GNG7: variants seen among roughly 807,000 people sequenced by gnomAD.
The protein encoded by GNG7 is guanine nucleotide-binding protein G(I)/G(S)/G(O) subunit gamma-7.
In GNG7, 1 loss-of-function variant was observed where a neutral mutation model predicts 4.0. The observed-to-expected ratio is 0.25, with a 90% CI of 0.09 to 1.18. The LOEUF (loss-of-function observed/expected upper bound fraction) is 1.18, where lower values mean the gene tolerates loss of function less well. Among genes scored for constraint, GNG7 ranks in the 50% most tolerant of loss-of-function variants. The pLI is 0.50. For synonymous variants in GNG7, 34 were observed against 36.9 expected, an observed-to-expected ratio of 0.92 and a Z score of 0.29; for missense variants, 86 against 91.9, an observed-to-expected ratio of 0.94 and a Z score of 0.26.
In GNG7 at chr19:2,557,321, ATG is replaced by A. The variant is rs1979593116; in HGVS notation, c.-77-2135_-77-2134del. Reference sequence around the variant, plus strand: ...GGTGCACATACACGCACAGACACACATGTGCACACAGACACACACATGTGCAC... The same window carrying A: ...GGTGCACATACACGCACAGACACACATGCACACAGACACACACATGTGCAC... On this transcript the variant is annotated intron_variant, in intron 2 of 4. Coordinates refer to ENST00000382159, the MANE Select transcript of GNG7 (RefSeq NM_052847.3). The surrounding 1 kb of genome is among the most constrained non-coding windows in gnomAD (Gnocchi z 5.1). Among the ~76,000 whole-genome samples the A allele has an allele frequency of 7.6e-6, 1 of 130,732 alleles. No individual in the cohort carries two copies. The highest frequency in any genetic ancestry group is 8.9e-5 in the Admixed American group (1 of 11,298). 85.8% of individuals were successfully genotyped at this position (130,732 alleles called of 152,430 possible).
chr19:2,694,190 T>C (rs1252442612), intron 1 of GNG7, among the ~76,000 whole-genome samples: 1 of 151,864 alleles, frequency 6.6e-6, no homozygotes, highest in East Asian at 1.9e-4. Context: ...TGACACTATT[T>C]TTGGAGGAAT....
intron 3 of GNG7, chr19:2,538,727 A>G (rs759840960): frequency 2.2e-6 from 1 of 460,486 alleles, no homozygotes; most frequent in Non-Finnish European, 4.4e-6. Flanking sequence ...ACTGCATTGG[A>G]AGTGCTGATG....
chr19:2,669,469 G>C (rs545830822), intron 1 of GNG7, among the ~76,000 whole-genome samples: 4 of 152,300 alleles, frequency 2.6e-5, no homozygotes, highest in African/African-American at 9.6e-5. Flanking sequence ...CAGCCTAGGT[G>C]ATAGAGTGAG....
intron 2 of GNG7, chr19:2,642,357 T>G (rs79326813): frequency 0.017 from 3,847 of 226,428 alleles, 141 homozygotes; most frequent in African/African-American, 0.082. Flanking sequence ...CCTGTCGAAA[T>G]GAATGGGGTT....
intron 2 of GNG7, among the ~76,000 whole-genome samples, chr19:2,608,349 G>C (rs1981456760): frequency 6.6e-6 from 1 of 151,976 alleles, no homozygotes; most frequent in Non-Finnish European, 1.5e-5. Context: ...GCCCCTGCAA[G>C]GCAAGGCCTG....
intron 3 of GNG7, among the ~76,000 whole-genome samples, chr19:2,553,814 A>G (rs978119219): frequency 7.2e-5 from 8 of 110,576 alleles, no homozygotes; most frequent in Non-Finnish European, 1.4e-4. Flanking sequence ...GTAATATATC[A>G]CATACATGTA....
chr19:2,567,350 T>TGTGTGTGTGTGTGTGTGTGTGTGA lies in GNG7; in HGVS notation c.-77-12163_-77-12162insTCACACACACACACACACACACAC, dbSNP rs1259433698. ...GTCGATTTGTGTGTGTGTGTGTGTG[T>TGTGTGTGTGTGTGTGTGTGTGTGA]GACATAGGGTCTCACTCTGTCACCC... is the stretch of plus-strand genomic sequence containing the variant. On this transcript the variant is annotated intron_variant, in intron 2 of 4. Transcript: ENST00000382159. 1.3e-3 allele frequency among the ~76,000 whole-genome samples: 190 copies of TGTGTGTGTGTGTGTGTGTGTGTGA among 150,956 alleles called. 2 individuals carry two copies. Among genetic ancestry groups the TGTGTGTGTGTGTGTGTGTGTGTGA allele is most frequent in the African/African-American group, 4.3e-3 (176 of 40,634 alleles).
intron 1 of GNG7, among the ~76,000 whole-genome samples, chr19:2,681,581 C>T (rs529562437): frequency 1.3e-5 from 2 of 152,216 alleles, no homozygotes; most frequent in South Asian, 2.1e-4. Context: ...ATCCTTCTTG[C>T]GCAGTGTTTG....
intron 3 of GNG7, among the ~76,000 whole-genome samples, chr19:2,554,786 C>A (rs1192278556): frequency 6.6e-6 from 1 of 151,770 alleles, no homozygotes; most frequent in Non-Finnish European, 1.5e-5. Context: ...AACACCTGAC[C>A]TCAGGTGACC....
chr19:2,626,034 C>T lies in GNG7; in HGVS notation c.-78+20190G>A, dbSNP rs1181501227. On this transcript the variant is annotated intron_variant, in intron 2 of 4. Transcript: ENST00000382159. This position sits in a 1 kb window ranked among gnomAD's most constrained non-coding sequence, Gnocchi z 5.0. ...AACTCCTGACCTCAGGTGATCCACC[C>T]GCCTCGGCCTCCCAAAGTGCTGGGA... Among the ~76,000 whole-genome samples, 4 of 152,114 alleles carry T rather than the reference C, an allele frequency of 2.6e-5. No individual in the cohort carries two copies. The highest frequency in any genetic ancestry group is 2.1e-4 in the South Asian group (1 of 4,830).
intron 2 of GNG7, among the ~76,000 whole-genome samples, chr19:2,644,392 T>A (rs1982610529): frequency 8.7e-6 from 1 of 115,438 alleles, no homozygotes; most frequent in African/African-American, 3.1e-5. Context: ...ATGCTCTATC[T>A]ATACATGCAT....
In GNG7 at chr19:2,512,434, TG is replaced by T; in HGVS notation, c.*2587del. ...AGGCTTCTGGCAATGGCCACCTCCC[TG>T]GGGTCCGGGAGATGGTGGGGTCTGG... On this transcript the variant is annotated 3_prime_UTR_variant, in exon 5 of 5. Coordinates refer to ENST00000382159, the MANE Select transcript of GNG7 (RefSeq NM_052847.3). This position sits in a 1 kb window ranked among gnomAD's most constrained non-coding sequence, Gnocchi z 4.7. The T allele has an allele frequency of 2.2e-6, 2 of 913,420 alleles. No homozygotes were observed. The highest frequency in any genetic ancestry group is 2.6e-6 in the Non-Finnish European group (2 of 764,474). 56.6% of individuals were successfully genotyped at this position (913,420 alleles called of 1,614,324 possible). A position where few individuals can be genotyped will look rare whatever the true frequency, so the allele number is the denominator to read the frequency against.
At position 2,609,091 on chromosome 19, in the gene GNG7, A is replaced by C. The variant is rs964138481; in HGVS notation, c.-78+37133T>G. ...TTCCAGGCTGGAGTGCAGTGGTGCG[A>C]TCTTGGCTCACCGCAACCTCTGCCT... On this transcript the variant is annotated intron_variant, in intron 2 of 4. Transcript: ENST00000382159. This position sits in a 1 kb window ranked among gnomAD's most constrained non-coding sequence, Gnocchi z 4.4. Among the ~76,000 whole-genome samples the C allele has an allele frequency of 6.6e-6, 1 of 151,612 alleles. No homozygotes were observed. Among genetic ancestry groups the C allele is most frequent in the Non-Finnish European group, 1.5e-5 (1 of 67,960 alleles).
At chr19:2,559,653 T>C (rs978297621) in intron 2 of GNG7, among the ~76,000 whole-genome samples, 2 of 149,054 alleles carry the variant, frequency 1.3e-5, no homozygotes, top group African/African-American at 2.5e-5. Flanking sequence ...TAGCTGGGAT[T>C]ACAGGCATGC....
chr19:2,541,212 T>A (rs1278101324), intron 3 of GNG7, among the ~76,000 whole-genome samples: 1 of 152,208 alleles, frequency 6.6e-6, no homozygotes, highest in Admixed American at 6.5e-5. Context: ...GGCTCGTGCC[T>A]GTAATCCCAG....
Position 2,556,781 on chromosome 19 carries a change from C to T in GNG7, c.-77-1593G>A, listed in dbSNP as rs1979557539. Among the ~76,000 whole-genome samples, 5 of 152,326 alleles carry T rather than the reference C, an allele frequency of 3.3e-5. No homozygotes were observed. The South Asian group carries it at 1.0e-3, about 32-fold the overall frequency. ...CTCTCCTCCCACCCAGCAATACGGA[C>T]ACCAGCGCCGGATTGTTCTCCGGGG... On this transcript the variant is annotated intron_variant, in intron 2 of 4. Coordinates refer to ENST00000382159, the MANE Select transcript of GNG7 (RefSeq NM_052847.3).
intron 3 of GNG7, among the ~76,000 whole-genome samples, chr19:2,542,104 GTTC>G (rs1978980311): frequency 9.7e-6 from 1 of 103,624 alleles, no homozygotes; most frequent in Admixed American, 1.0e-4. Flanking sequence ...AGCGCTGTGT[GTTC>G]TTTTTTTTTT....
rs972621196 is a variant in GNG7, at chr19:2,513,225, C to T, written c.*1797G>A. ...GAGCCAAGCAGGGATCCCCGCCTCA[C>T]GGGCCTGCACGGAGGACCTGGGCGG... is the stretch of plus-strand genomic sequence containing the variant. On this transcript the variant is annotated 3_prime_UTR_variant, in exon 5 of 5. Coordinates refer to ENST00000382159, the MANE Select transcript of GNG7 (RefSeq NM_052847.3). The T allele has an allele frequency of 1.4e-5, 11 of 764,770 alleles. No homozygotes were observed. In the Admixed American group the frequency reaches 1.9e-4, roughly 13 times the overall value. The allele number at this position is 764,770 out of a possible 1,614,324, so 47.4% of individuals were successfully genotyped here.
At chr19:2,612,955 G>C (rs1240753061) in intron 2 of GNG7, among the ~76,000 whole-genome samples, 9 of 152,050 alleles carry the variant, frequency 5.9e-5, no homozygotes, top group Admixed American at 5.9e-4. Flanking sequence ...GCCTCCCAAA[G>C]TGTTGAGATT....
Sources: allele counts gnomAD v4.1 joint callset (sites outside exome capture counted in the v4.1 genomes callset), GRCh38; gene constraint gnomAD v4.1.1; non-coding constraint Gnocchi (gnomAD v3.1); transcripts MANE v1.5; gene names NCBI Gene and HGNC (gene_info 2026-07-23, HGNC 2026-07-21).